SPIRE1: variants seen among roughly 807,000 people sequenced by gnomAD.
The protein encoded by SPIRE1 is protein spire homolog 1.
Under a neutral mutation model 94.1 loss-of-function variants are expected in SPIRE1, and 40 were observed. The ratio of observed to expected loss-of-function variants is 0.43; its 90% CI spans 0.33 to 0.55. The LOEUF is 0.55. Ranked by LOEUF, SPIRE1 falls within the 20% of genes least tolerant of loss-of-function variation. The probability of loss-of-function intolerance (pLI) is 0.06; values close to 1 mark genes in which losing one functional copy is unlikely to be tolerated. For missense variants in SPIRE1, 838 were observed against 975.2 expected, an observed-to-expected ratio of 0.86 and a Z score of 1.87; for synonymous variants, 376 against 371.7, an observed-to-expected ratio of 1.01 and a Z score of -0.13.
Position 12,509,724 on chromosome 18 carries a change from A to T in SPIRE1, c.807+2730T>A, listed in dbSNP as rs145538297. On this transcript the variant is annotated intron_variant, in intron 5 of 16. Coordinates refer to ENST00000409402, the MANE Select transcript of SPIRE1 (RefSeq NM_001128626.2). ...TGGAATACTTCTCAATACTCTACAG[A>T]TACAGACAGCAACATGGATGAAATC... is the stretch of plus-strand genomic sequence containing the variant. 3.9e-5 allele frequency among the ~76,000 whole-genome samples: 6 copies of T among 152,340 alleles called. No homozygotes were observed. In the East Asian group the frequency reaches 1.2e-3, roughly 29 times the overall value.
intron 2 of SPIRE1, among the ~76,000 whole-genome samples, chr18:12,575,304 A>T (rs983645297): frequency 7.2e-5 from 11 of 151,734 alleles, no homozygotes; most frequent in Non-Finnish European, 1.5e-4. Flanking sequence ...AAAAAAAAAT[A>T]AAAAAATTAA....
At chr18:12,621,685 A>C (rs373454383) in intron 2 of SPIRE1, among the ~76,000 whole-genome samples, 49 of 152,326 alleles carry the variant, frequency 3.2e-4, no homozygotes, top group African/African-American at 1.0e-3. Flanking sequence ...AAAGTAGATT[A>C]GTGATTGCTG....
intron 2 of SPIRE1, among the ~76,000 whole-genome samples, chr18:12,573,978 A>G (rs930161589): frequency 3.3e-5 from 5 of 152,140 alleles, no homozygotes; most frequent in African/African-American, 1.2e-4. Flanking sequence ...TGACCTCATG[A>G]TCCACCCACC....
chr18:12,489,738 A>G (rs1244647053), intron 8 of SPIRE1, among the ~76,000 whole-genome samples: 2 of 152,376 alleles, frequency 1.3e-5, no homozygotes, highest in Non-Finnish European at 2.9e-5. Context: ...TTAATGACAT[A>G]GGAAGATGGT....
At chr18:12,534,655 C>G (rs1021033561) in intron 4 of SPIRE1, among the ~76,000 whole-genome samples, 1 of 152,156 alleles carries the variant, frequency 6.6e-6, no homozygotes, top group African/African-American at 2.4e-5. Flanking sequence ...GGTCTTTGGA[C>G]TTGGACTGAG....
intron 1 of SPIRE1, among the ~76,000 whole-genome samples, chr18:12,652,669 A>T (rs1327767540): frequency 2.0e-5 from 3 of 152,018 alleles, no homozygotes; most frequent in African/African-American, 7.2e-5. Context: ...CCTGAATGCT[A>T]AATAAACTCA....
chr18:12,597,123 C>T (rs1429773646), intron 2 of SPIRE1, among the ~76,000 whole-genome samples: 2 of 150,666 alleles, frequency 1.3e-5, no homozygotes, highest in Admixed American at 6.7e-5. Flanking sequence ...CCTCTATTCA[C>T]GGATTTTTGC....
chr18:12,469,062 T>A (rs866393262), intron 10 of SPIRE1, among the ~76,000 whole-genome samples: 18 of 152,114 alleles, frequency 1.2e-4, no homozygotes, highest in Non-Finnish European at 1.9e-4. Context: ...AAACCCTGTC[T>A]CGAAAATAAA....
intron 12 of SPIRE1, 60 bp downstream of exon 12, chr18:12,463,291 T>C: frequency 6.9e-7 from 1 of 1,449,508 alleles, no homozygotes; most frequent in South Asian, 1.6e-5. Context: ...ATAAGAAAGC[T>C]AATGATTCTA....
chr18:12,558,004 C>T (rs761804185), intron 2 of SPIRE1, among the ~76,000 whole-genome samples: 6 of 152,094 alleles, frequency 3.9e-5, no homozygotes, highest in East Asian at 1.9e-4. Context: ...CCCTATCTAT[C>T]GCTATGTACA....
At chr18:12,491,502 TTTTTCTTTC>T (rs1004402209) in intron 8 of SPIRE1, among the ~76,000 whole-genome samples, 11 of 152,140 alleles carry the variant, frequency 7.2e-5, no homozygotes, top group Non-Finnish European at 1.2e-4. Flanking sequence ...TGATCTTTTT[TTTTTCTTTC>T]TTTCTTTCCA....
intron 2 of SPIRE1, among the ~76,000 whole-genome samples, chr18:12,566,404 C>G (rs1853407897): frequency 1.3e-5 from 2 of 152,168 alleles, no homozygotes; most frequent in South Asian, 4.1e-4. Flanking sequence ...AAATTCAGAT[C>G]TACGTAAAGA....
chr18:12,612,084 A>C (rs949423184), intron 2 of SPIRE1, among the ~76,000 whole-genome samples: 3 of 152,024 alleles, frequency 2.0e-5, no homozygotes, highest in African/African-American at 7.2e-5. Flanking sequence ...TTCTCTTTGA[A>C]ACCCACTCCA....
chr18:12,502,503 C>A (rs2143948968), intron 6 of SPIRE1, among the ~76,000 whole-genome samples: 1 of 152,184 alleles, frequency 6.6e-6, no homozygotes, highest in Non-Finnish European at 1.5e-5. Flanking sequence ...TAACATTACC[C>A]AGTATTGGCA....
At chr18:12,476,572 T>C (rs1372296011) in intron 10 of SPIRE1, among the ~76,000 whole-genome samples, 2 of 87,672 alleles carry the variant, frequency 2.3e-5, no homozygotes, top group Non-Finnish European at 4.6e-5. Flanking sequence ...AAAATATATA[T>C]ATATATATAT....
intron 5 of SPIRE1, among the ~76,000 whole-genome samples, chr18:12,510,160 A>T (rs1456299334): frequency 6.6e-6 from 1 of 152,050 alleles, no homozygotes; most frequent in Non-Finnish European, 1.5e-5. Context: ...AGTGCAAACT[A>T]GTCTATAGTC....
chr18:12,553,833 G>A (rs1366906455), intron 2 of SPIRE1, among the ~76,000 whole-genome samples: 1 of 151,898 alleles, frequency 6.6e-6, no homozygotes, highest in African/African-American at 2.4e-5. Context: ...TAAAGGCAAA[G>A]AATAAAGATC....
At chr18:12,475,554 T>C (rs1166601877) in intron 10 of SPIRE1, among the ~76,000 whole-genome samples, 3 of 151,856 alleles carry the variant, frequency 2.0e-5, no homozygotes, top group Non-Finnish European at 2.9e-5. Context: ...GAGAAGAGTT[T>C]AAAAATGCAC....
At chr18:12,557,658 C>A (rs775191469) in intron 2 of SPIRE1, among the ~76,000 whole-genome samples, 1 of 152,056 alleles carries the variant, frequency 6.6e-6, no homozygotes, top group African/African-American at 2.4e-5. Context: ...CCTGAGGAGG[C>A]ACCAAGAGCG....
Sources: gnomAD v4.1 joint callset for allele counts (sites outside exome capture counted in the v4.1 genomes callset) on GRCh38, gnomAD v4.1.1 for gene constraint, MANE v1.5 for transcripts, NCBI Gene and HGNC (gene_info 2026-07-23, HGNC 2026-07-21) for gene names.